PIEZO2: variants seen among roughly 807,000 people sequenced by gnomAD.
The protein encoded by PIEZO2 is piezo type mechanosensitive ion channel component 2.
A neutral mutation model predicts 337.3 loss-of-function variants in PIEZO2; 172 were observed. The observed-to-expected ratio is 0.51, with a 90% confidence interval of 0.45 to 0.58. PIEZO2 has a LOEUF of 0.58. PIEZO2 is among the 20% of genes least tolerant of loss of function. The pLI is 0.00. For synonymous variants in PIEZO2, 1,251 were observed against 1,228.5 expected (o/e 1.02, Z -0.38); for missense variants, 3,028 against 3,391.3 (o/e 0.89, Z 2.66).
intron 9 of PIEZO2, among the ~76,000 whole-genome samples, chr18:10,803,365 CA>C (rs2039891542): frequency 6.6e-6 from 1 of 152,152 alleles, no homozygotes; most frequent in Non-Finnish European, 1.5e-5. Context: ...TATGAATTTT[CA>C]AAAATTCTAA....
At position 10,861,189 on chromosome 18, in the gene PIEZO2, G is replaced by C. The variant is rs1388202174; in HGVS notation, c.493-3978C>G. ...GTCTTGCTTGCTGGAGCTGTAAGCT[G>C]TCCCTGCAGCGGAACAGAACTTCAA... On this transcript the variant is annotated intron_variant, in intron 5 of 55. Coordinates refer to ENST00000674853, the MANE Select transcript of PIEZO2 (RefSeq NM_001378183.1). This position sits in a 1 kb window ranked among gnomAD's most constrained non-coding sequence, Gnocchi z 4.3. Among the ~76,000 whole-genome samples, 4 of 152,240 alleles carry C rather than the reference G, an allele frequency of 2.6e-5. No homozygotes were observed. Among genetic ancestry groups the C allele is most frequent in the South Asian group, 2.1e-4 (1 of 4,830 alleles).
rs1401450463 is a variant in PIEZO2 at position 10,731,501 on chromosome 18, A to T, written c.4935T>A (p.Ile1645=). ...RAAKFVYQAW[I]TDPKTALRQR... ...GTCGGAGTGCTGTTTTAGGATCAGTAATCCAGGCTTGATAAACAAACTGAA... is the reference window on the plus strand; with the variant it reads ...GTCGGAGTGCTGTTTTAGGATCAGTTATCCAGGCTTGATAAACAAACTGAA... Residue 1645 remains isoleucine (I), a synonymous_variant, in exon 36 of 56, where the codon ATT becomes ATA. Transcript: ENST00000674853. 6.5e-7 allele frequency: 1 copy of T among 1,529,414 alleles called. No individual in the cohort carries two copies. The highest frequency in any genetic ancestry group is 1.2e-5 in the South Asian group (1 of 82,954). 94.7% of individuals were successfully genotyped at this position (1,529,414 alleles called of 1,614,324 possible). A position where few individuals can be genotyped will look rare whatever the true frequency, so the allele number is the denominator to read the frequency against.
chr18:11,026,174 A>G (rs1176652648), intron 2 of PIEZO2, among the ~76,000 whole-genome samples: 1 of 152,246 alleles, frequency 6.6e-6, no homozygotes, highest in Non-Finnish European at 1.5e-5. Flanking sequence ...AGTCATGGTC[A>G]GCAAAGAAAA....
intron 4 of PIEZO2, among the ~76,000 whole-genome samples, chr18:10,880,846 CATATATATATATATATATATATAT>C (rs56271617): frequency 0.033 from 2,233 of 68,082 alleles, 98 homozygotes; most frequent in Middle Eastern, 0.042. Context: ...TCCCACATAT[CATATATATATATATATATATATAT>C]ATATATATAT....
chr18:10,889,123 G>A (rs979643774), intron 4 of PIEZO2, among the ~76,000 whole-genome samples: 1 of 152,198 alleles, frequency 6.6e-6, no homozygotes, highest in Non-Finnish European at 1.5e-5. Context: ...AGAGAGAGGA[G>A]GACAGACACA....
rs2040939160 is a variant in PIEZO2 at position 10,834,334 on chromosome 18, A to G, written c.917+21019T>C. Among the ~76,000 whole-genome samples the G allele has an allele frequency of 6.6e-6, 1 of 152,218 alleles. No individual in the cohort carries two copies. Among genetic ancestry groups the G allele is most frequent in the African/African-American group, 2.4e-5 (1 of 41,460 alleles). On this transcript the variant is annotated intron_variant, in intron 7 of 55. Transcript: ENST00000674853. This position sits in a 1 kb window ranked among gnomAD's most constrained non-coding sequence, Gnocchi z 4.5. ...ACACCTCAATTTTCCTGTCTTTAGAATGGGCATAATAAAGTAGACCACACC... is the reference window on the plus strand; with the variant it reads ...ACACCTCAATTTTCCTGTCTTTAGAGTGGGCATAATAAAGTAGACCACACC...
chr18:10,848,981 A>G (rs1409475626), intron 7 of PIEZO2, among the ~76,000 whole-genome samples: 1 of 152,178 alleles, frequency 6.6e-6, no homozygotes, highest in Admixed American at 6.5e-5. Context: ...TCTTTTTGTC[A>G]AGAAGTGTCT....
At position 11,126,400 on chromosome 18, in the gene PIEZO2, T is replaced by C. The variant is rs1248922330; in HGVS notation, c.64+22125A>G. The stretch of plus-strand genomic sequence containing the variant: ...GCCTGAGCGCCCATGGCCACAGTGA[T>C]GACTGTTCCATCTTACTGTCCCCTA... On this transcript the variant is annotated intron_variant, in intron 1 of 55. Coordinates refer to ENST00000674853, the MANE Select transcript of PIEZO2 (RefSeq NM_001378183.1). The surrounding 1 kb of genome is among the most constrained non-coding windows in gnomAD (Gnocchi z 4.6). Among the ~76,000 whole-genome samples the C allele has an allele frequency of 6.6e-6, 1 of 152,228 alleles. No individual in the cohort carries two copies. The highest frequency in any genetic ancestry group is 1.5e-5 in the Non-Finnish European group (1 of 68,046).
intron 2 of PIEZO2, among the ~76,000 whole-genome samples, chr18:11,012,333 A>C (rs2035936227): frequency 6.6e-6 from 1 of 152,216 alleles, no homozygotes; most frequent in Non-Finnish European, 1.5e-5. Flanking sequence ...GAATACATTT[A>C]AAATAAGAAA....
At position 10,750,302 on chromosome 18, in the gene PIEZO2, G is replaced by A; in HGVS notation, c.4168-115C>T. On this transcript the variant is annotated intron_variant, in intron 28 of 55. Transcript: ENST00000674853. This position sits in a 1 kb window ranked among gnomAD's most constrained non-coding sequence, Gnocchi z 4.1. ...AAGGTCTCAGTGATAAGGATTCCAGGAGATGCCAATTGTACCTAAAAATTC... is the reference window on the plus strand; with the variant it reads ...AAGGTCTCAGTGATAAGGATTCCAGAAGATGCCAATTGTACCTAAAAATTC... The A allele has an allele frequency of 1.4e-6, 1 of 732,200 alleles. No homozygotes were observed. The highest frequency in any genetic ancestry group is 2.3e-6 in the Non-Finnish European group (1 of 432,792). The allele number at this position is 732,200 out of a possible 1,614,324, so 45.4% of individuals were successfully genotyped here. A position where few individuals can be genotyped will look rare whatever the true frequency, so the allele number is the denominator to read the frequency against.
intron 26 of PIEZO2, among the ~76,000 whole-genome samples, chr18:10,758,580 G>A (rs2037986306): frequency 1.3e-5 from 2 of 152,240 alleles, no homozygotes; most frequent in Admixed American, 1.3e-4. Context: ...CAAGTAGCTG[G>A]GAATACAAGT....
chr18:10,719,441 G>A (rs1053578492), intron 36 of PIEZO2, among the ~76,000 whole-genome samples: 2 of 152,166 alleles, frequency 1.3e-5, no homozygotes, highest in Non-Finnish European at 2.9e-5. Flanking sequence ...ACTGATAAGT[G>A]AGAACATGAG....
chr18:10,912,859 G>A lies in PIEZO2; in HGVS notation c.287-1631C>T, dbSNP rs570833453. ...ATAAATAATAAATGACTAAATTTCG[G>A]ATGTGGATTAGACACACAAACACAT... is the stretch of plus-strand genomic sequence containing the variant. On this transcript the variant is annotated intron_variant, in intron 3 of 55. Coordinates refer to ENST00000674853, the MANE Select transcript of PIEZO2 (RefSeq NM_001378183.1). Among the ~76,000 whole-genome samples, 13 of 152,172 alleles carry A rather than the reference G, an allele frequency of 8.5e-5. No individual in the cohort carries two copies. The South Asian group carries it at 2.7e-3, about 32-fold the overall frequency.
At chr18:10,990,286 A>T (rs180729411) in intron 2 of PIEZO2, among the ~76,000 whole-genome samples, 403 of 152,328 alleles carry the variant, frequency 2.6e-3, no homozygotes, top group Admixed American at 6.7e-3. Context: ...TGTGAGACAC[A>T]TTTGATTAAT....
chr18:10,736,744 A>G (rs1419638119), intron 33 of PIEZO2, 34 bp from the exon 34 acceptor site: 1 of 1,530,212 alleles, frequency 6.5e-7, no homozygotes, highest in South Asian at 1.2e-5. Context: ...CATTTCTTGA[A>G]AGACATATAA....
At chr18:11,061,559 C>T (rs1183284029) in intron 2 of PIEZO2, among the ~76,000 whole-genome samples, 2 of 152,154 alleles carry the variant, frequency 1.3e-5, no homozygotes, top group African/African-American at 2.4e-5. Flanking sequence ...TCAGCAAAGT[C>T]TCAGGATACA....
chr18:10,776,622 A>G (rs1036552763), intron 18 of PIEZO2, among the ~76,000 whole-genome samples: 18 of 152,312 alleles, frequency 1.2e-4, no homozygotes, highest in African/African-American at 3.4e-4. Flanking sequence ...CTGTTTCCCA[A>G]TGGTCTCAGG....
chr18:11,048,528 T>C lies in PIEZO2; in HGVS notation c.160+17599A>G, dbSNP rs1209255252. Among the ~76,000 whole-genome samples the C allele has an allele frequency of 6.6e-6, 1 of 152,250 alleles. No homozygotes were observed. Among genetic ancestry groups the C allele is most frequent in the East Asian group, 1.9e-4 (1 of 5,200 alleles). On this transcript the variant is annotated intron_variant, in intron 2 of 55. Transcript: ENST00000674853. The surrounding 1 kb of genome is among the most constrained non-coding windows in gnomAD (Gnocchi z 4.5). ...GTCTACTTACATGTTGGAAGGCAAG[T>C]GCCCAACATGCATAATCTCTACATT...
In PIEZO2 at chr18:10,680,195, C is replaced by G; in HGVS notation, c.7952+4G>C. The G allele has an allele frequency of 6.2e-7, 1 of 1,606,424 alleles. No individual in the cohort carries two copies. The highest frequency in any genetic ancestry group is 8.5e-7 in the Non-Finnish European group (1 of 1,174,686). On this transcript the variant is annotated splice_donor_region_variant and intron_variant, in intron 52 of 55. Transcript: ENST00000674853. ...TAAATTATACATGGAAATACAGTAA[C>G]TACCTCTGAATACTCCATGAAAAAA...
Sources: gnomAD v4.1 joint callset for allele counts (sites outside exome capture counted in the v4.1 genomes callset) on GRCh38, gnomAD v4.1.1 for gene constraint, Gnocchi (gnomAD v3.1) non-coding constraint, MANE v1.5 for transcripts, NCBI Gene and HGNC (gene_info 2026-07-23, HGNC 2026-07-21) for gene names.